The following BRD10 variants were observed in gnomAD, a reference collection of about 807,000 sequenced individuals.
The protein encoded by BRD10 is uncharacterized bromodomain-containing protein 10.
At chr9:5,921,740 C>G in the BRD10 span, 3 of 1,613,942 alleles carry the variant, frequency 1.9e-6, no homozygotes, top group Non-Finnish European at 2.5e-6. Context: ...TGCTGATATG[C>G]TAATTACACT....
At chr9:5,929,112 T>C in the BRD10 span, 17 of 1,608,830 alleles carry the variant, frequency 1.1e-5, no homozygotes, top group Admixed American at 2.5e-4. Flanking sequence ...GACGTATCAA[T>C]GTACTATGTA....
the BRD10 span, among the ~76,000 whole-genome samples, chr9:5,896,624 C>T: frequency 1.3e-5 from 2 of 152,164 alleles, no homozygotes; most frequent in African/African-American, 2.4e-5. Flanking sequence ...AGTTGACAAC[C>T]ACAGATAACA....
At chr9:5,910,929 T>C in the BRD10 span, among the ~76,000 whole-genome samples, 2 of 152,206 alleles carry the variant, frequency 1.3e-5, no homozygotes, top group African/African-American at 2.4e-5. Flanking sequence ...GAGCTCCTTA[T>C]ATATTCTGGT....
At chr9:5,976,537 T>G in the BRD10 span, among the ~76,000 whole-genome samples, 1 of 152,300 alleles carries the variant, frequency 6.6e-6, no homozygotes, top group African/African-American at 2.4e-5. Context: ...TAATCCTGAC[T>G]ATGAGCTCAC....
the BRD10 span, among the ~76,000 whole-genome samples, chr9:5,953,705 C>T: frequency 1.3e-5 from 2 of 151,578 alleles, no homozygotes; most frequent in Non-Finnish European, 2.9e-5. Flanking sequence ...CATACACACA[C>T]ACACACATAT....
chr9:5,962,262 A>G, the BRD10 span, among the ~76,000 whole-genome samples: 1 of 147,546 alleles, frequency 6.8e-6, no homozygotes, highest in Non-Finnish European at 1.5e-5. Context: ...AACTACCATC[A>G]GAGAATACTA....
chr9:5,960,548 G>A, the BRD10 span, among the ~76,000 whole-genome samples: 12 of 140,458 alleles, frequency 8.5e-5, no homozygotes, highest in African/African-American at 3.1e-4. Flanking sequence ...GGCAACAAGA[G>A]TGAGACTCTG....
At chr9:5,968,687 T>A in the BRD10 span, 66 of 1,613,744 alleles carry the variant, frequency 4.1e-5, no homozygotes, top group Non-Finnish European at 5.5e-5. Context: ...ACTAACATAG[T>A]CACACTTCAA....
At chr9:5,882,985 A>G in the BRD10 span, among the ~76,000 whole-genome samples, 8 of 152,152 alleles carry the variant, frequency 5.3e-5, no homozygotes, top group Non-Finnish European at 7.3e-5. Flanking sequence ...CAGGAAGGGG[A>G]ACATCACACA....
the BRD10 span, among the ~76,000 whole-genome samples, chr9:5,996,545 G>C: frequency 6.6e-6 from 1 of 152,094 alleles, no homozygotes; most frequent in Non-Finnish European, 1.5e-5. Context: ...TGGCCAGGCT[G>C]GTCTCAAACT....
chr9:5,976,959 G>C, the BRD10 span, among the ~76,000 whole-genome samples: 1 of 152,170 alleles, frequency 6.6e-6, no homozygotes, highest in Non-Finnish European at 1.5e-5. Context: ...TTATGGACTT[G>C]CTTTGCCTAA....
At chr9:5,992,945 A>G in the BRD10 span, among the ~76,000 whole-genome samples, 2 of 152,216 alleles carry the variant, frequency 1.3e-5, no homozygotes, top group Non-Finnish European at 2.9e-5. Context: ...TTTGCTATCA[A>G]AAACAATGTA....
chr9:5,919,583 C>A, the BRD10 span: 660 of 1,025,258 alleles, frequency 6.4e-4, no homozygotes, highest in Non-Finnish European at 8.1e-4. Context: ...CACACACACA[C>A]AATGTATAGT....
the BRD10 span, among the ~76,000 whole-genome samples, chr9:5,913,344 C>G: frequency 1.3e-5 from 2 of 152,184 alleles, no homozygotes; most frequent in African/African-American, 4.8e-5. Context: ...TCTAAACTTT[C>G]ATTTCACAGT....
the BRD10 span, chr9:5,920,150 T>C: frequency 8.1e-6 from 13 of 1,613,978 alleles, no homozygotes; most frequent in Non-Finnish European, 1.1e-5. Flanking sequence ...ACTTAAGGAA[T>C]TATTTGATGC....
chr9:5,914,017 C>T, the BRD10 span: 1 of 452,666 alleles, frequency 2.2e-6, no homozygotes. Flanking sequence ...AGAAAAAATG[C>T]TCAAGAAAGT....
chr9:5,971,019 T>G, the BRD10 span, among the ~76,000 whole-genome samples: 1 of 115,454 alleles, frequency 8.7e-6, no homozygotes, highest in African/African-American at 3.4e-5. Context: ...ACCATTGTAC[T>G]CCAGCCTGGG....
chr9:5,901,779 C>G, the BRD10 span, among the ~76,000 whole-genome samples: 1 of 151,674 alleles, frequency 6.6e-6, no homozygotes, highest in Non-Finnish European at 1.5e-5. Flanking sequence ...GCCTCAGCCT[C>G]CCAAAGTGCT....
chr9:5,895,087 T>A, the BRD10 span, among the ~76,000 whole-genome samples: 1 of 152,220 alleles, frequency 6.6e-6, no homozygotes, highest in Non-Finnish European at 1.5e-5. Flanking sequence ...CCCGTATGCG[T>A]GGGAGCTATC....
Sources: allele counts gnomAD v4.1 joint callset (sites outside exome capture counted in the v4.1 genomes callset), GRCh38; gene constraint gnomAD v4.1.1; transcripts MANE v1.5; gene names NCBI Gene and HGNC (gene_info 2026-07-23, HGNC 2026-07-21).